The following CSN2 variants were observed in gnomAD, a reference collection of about 807,000 sequenced individuals.
CSN2 encodes the protein beta-casein.
A neutral mutation model predicts 27.3 loss-of-function variants in CSN2; 27 were observed. The ratio of observed to expected loss-of-function variants is 0.99; its 90% CI spans 0.73 to 1.36. The LOEUF is 1.36. Ranked by LOEUF, CSN2 falls within the 40% of genes most tolerant of loss-of-function variation. The probability of loss-of-function intolerance (pLI) is 0.00; values close to 1 mark genes in which losing one functional copy is unlikely to be tolerated. For synonymous variants in CSN2, 131 were observed against 94.8 expected (o/e 1.38, Z -2.22); for missense variants, 333 against 264.5 (o/e 1.26, Z -1.80).
In CSN2 at chr4:69,955,470, A is replaced by C. The variant is rs1446730343; in HGVS notation, c.*159T>G. 6.6e-6 allele frequency: 1 copy of C among 152,160 alleles called. No individual in the cohort carries two copies. The highest frequency in any genetic ancestry group is 2.4e-5 in the African/African-American group (1 of 41,114). The allele number at this position is 152,160 out of a possible 1,614,324, so 9.4% of individuals were successfully genotyped here. A position where few individuals can be genotyped will look rare whatever the true frequency, so the allele number is the denominator to read the frequency against. On this transcript the variant is annotated 3_prime_UTR_variant, in exon 8 of 8. Transcript: ENST00000353151. ...AATTTCAAATTAAATGAATGACATA[A>C]TATATAAAATAAATAAAGGGACAAA...
chr4:69,962,343 G>A (rs1374727285), intron 1 of CSN2, among the ~76,000 whole-genome samples: 1 of 152,052 alleles, frequency 6.6e-6, no homozygotes, highest in Non-Finnish European at 1.5e-5. Context: ...ATACTACAAG[G>A]CTACAGTAAC....
chr4:69,961,158 T>G (rs1723566967), intron 1 of CSN2, among the ~76,000 whole-genome samples, 151 bp from the exon 2 acceptor site: 1 of 152,022 alleles, frequency 6.6e-6, no homozygotes. Flanking sequence ...GAATAAATAC[T>G]AAATAGAAGT....
chr4:69,960,932 C>T lies in CSN2; in HGVS notation c.51+13G>A. On this transcript the variant is annotated intron_variant, in intron 2 of 7. Transcript: ENST00000353151. Reference sequence around the variant, plus strand: ...TTTATTGATTGTTTAGGAATTTTTTCTTGTGCACATACCTCCCTTGCAAGA... The same window carrying T: ...TTTATTGATTGTTTAGGAATTTTTTTTTGTGCACATACCTCCCTTGCAAGA... 1 of 1,611,484 alleles carries T rather than the reference C, an allele frequency of 6.2e-7. No homozygotes were observed. Among genetic ancestry groups the T allele is most frequent in the Non-Finnish European group, 8.5e-7 (1 of 1,178,176 alleles).
At chr4:69,959,949 T>C (rs1176395370) in intron 3 of CSN2, 104 bp downstream of exon 3, 2 of 954,684 alleles carry the variant, frequency 2.1e-6, no homozygotes, top group Admixed American at 2.0e-5. Context: ...CTAGAACTTA[T>C]ATGTCATTAA....
chr4:69,959,913 T>G (rs568845045), intron 3 of CSN2, 140 bp downstream of exon 3: 11 of 657,258 alleles, frequency 1.7e-5, no homozygotes, highest in African/African-American at 3.7e-5. Flanking sequence ...CTTATTGTCC[T>G]TAAACACACA....
chr4:69,957,838 G>C, intron 5 of CSN2, 34 bp from the exon 6 acceptor site: 1 of 1,560,930 alleles, frequency 6.4e-7, no homozygotes, highest in East Asian at 2.2e-5. Flanking sequence ...TTGAGTCCTT[G>C]ATTAAGCTAT....
chr4:69,961,101 A>AG (rs566368562), intron 1 of CSN2, 94 bp from the exon 2 acceptor site: 16 of 734,764 alleles, frequency 2.2e-5, no homozygotes, highest in South Asian at 1.9e-4. Flanking sequence ...ACAAAAAAAA[A>AG]AGAGAGATAA....
intron 1 of CSN2, among the ~76,000 whole-genome samples, chr4:69,962,165 A>T (rs918517828): frequency 6.6e-6 from 1 of 152,208 alleles, no homozygotes; most frequent in African/African-American, 2.4e-5. Context: ...TGCCCAAGGT[A>T]ATTTATAGAT....
chr4:69,965,613 A>G (rs1723782934), intron 1 of CSN2, among the ~76,000 whole-genome samples, 68 bp downstream of exon 1: 2 of 151,716 alleles, frequency 1.3e-5, no homozygotes, highest in Non-Finnish European at 2.9e-5. Context: ...CGTTCCTTCT[A>G]TAGCTCAAGC....
rs1169434049 is a variant in CSN2 at position 69,957,785 on chromosome 4, A to T, written c.164T>A (p.Ile55Asn). The T allele has an allele frequency of 5.6e-6, 9 of 1,612,918 alleles. No homozygotes were observed. The highest frequency in any genetic ancestry group is 3.3e-5 in the Admixed American group (2 of 59,888). ...QQGEDEHQDK[I>N]YPSFQPQPLI... Reference sequence around the variant, plus strand: ...AGGCTGTGGCTGGAAAGAGGGGTAGATTTTATCCTGGTGTTCATCCTGGAA... The same window carrying T: ...AGGCTGTGGCTGGAAAGAGGGGTAGTTTTTATCCTGGTGTTCATCCTGGAA... The change falls in exon 6 of 8, where the codon ATC becomes AAC. Residue 55 changes from isoleucine to asparagine, a missense_variant. Coordinates refer to ENST00000353151, the MANE Select transcript of CSN2 (RefSeq NM_001891.4).
intron 5 of CSN2, 39 bp downstream of exon 5, chr4:69,958,870 A>T: frequency 7.6e-7 from 1 of 1,309,506 alleles, no homozygotes; most frequent in Non-Finnish European, 1.1e-6. Context: ...ATTATACTTT[A>T]TAATAATTTT....
intron 6 of CSN2, 107 bp downstream of exon 6, chr4:69,957,167 C>T: frequency 8.6e-7 from 1 of 1,157,244 alleles, no homozygotes. Flanking sequence ...AAAAGAATCA[C>T]TTATCTAAAC....
chr4:69,958,757 A>C lies in CSN2; in HGVS notation c.144+152T>G. 3 of 519,598 alleles carry C rather than the reference A, an allele frequency of 5.8e-6. No homozygotes were observed. In the South Asian group the frequency reaches 1.2e-4, roughly 20 times the overall value. The allele number at this position is 519,598 out of a possible 1,614,324, so 32.2% of individuals were successfully genotyped here. On this transcript the variant is annotated intron_variant, in intron 5 of 7. Coordinates refer to ENST00000353151, the MANE Select transcript of CSN2 (RefSeq NM_001891.4). ...CATGCATATCCTAGAAAATATATTG[A>C]CTTTATCAATGTTTAATTTTTAAAG...
At position 69,957,584 on chromosome 4, in the gene CSN2, G is replaced by C. The variant is rs140189537; in HGVS notation, c.365C>G (p.Thr122Arg). ...GRVMPVLKSP[T>R]IPFFDPQIPK... ...GATTTGAGGGTCAAAAAAGGGTATCGTTGGAGATTTAAGGACAGGCATCAC... is the reference window on the plus strand; with the variant it reads ...GATTTGAGGGTCAAAAAAGGGTATCCTTGGAGATTTAAGGACAGGCATCAC... Residue 122 changes from threonine to arginine, a missense_variant, in exon 6 of 8, where the codon ACG becomes AGG. Physicochemically the swap from Thr to Arg is moderately conservative, Grantham distance 71. Coordinates refer to ENST00000353151, the MANE Select transcript of CSN2 (RefSeq NM_001891.4). 5 of 1,613,840 alleles carry C rather than the reference G, an allele frequency of 3.1e-6. No homozygotes were observed. In the African/African-American group the frequency reaches 4.0e-5, roughly 13 times the overall value.
At chr4:69,956,532 A>G (rs1723402192) in intron 6 of CSN2, among the ~76,000 whole-genome samples, 177 bp from the exon 7 acceptor site, 1 of 152,032 alleles carries the variant, frequency 6.6e-6, no homozygotes, top group Non-Finnish European at 1.5e-5. Flanking sequence ...ATAAATAAAT[A>G]ACCTCTTAGT....
At chr4:69,965,263 G>C (rs937011713) in intron 1 of CSN2, among the ~76,000 whole-genome samples, 5 of 150,938 alleles carry the variant, frequency 3.3e-5, no homozygotes, top group African/African-American at 1.2e-4. Context: ...CTACCTGCTG[G>C]ACAAAGCTTT....
chr4:69,956,503 A>AAAATAAAT (rs567888173), intron 6 of CSN2, 148 bp from the exon 7 acceptor site: 9 of 517,922 alleles, frequency 1.7e-5, no homozygotes, highest in African/African-American at 1.4e-4. Flanking sequence ...AGGCTTGTGT[A>AAAATAAAT]AAATAAATAA....
intron 1 of CSN2, among the ~76,000 whole-genome samples, chr4:69,962,059 A>T (rs1306021842): frequency 6.6e-6 from 1 of 152,156 alleles, no homozygotes; most frequent in Non-Finnish European, 1.5e-5. Flanking sequence ...GAGAACTACA[A>T]ACCACTGCTC....
At chr4:69,964,606 G>T (rs1223954820) in intron 1 of CSN2, among the ~76,000 whole-genome samples, 1 of 151,032 alleles carries the variant, frequency 6.6e-6, no homozygotes, top group African/African-American at 2.4e-5. Flanking sequence ...ATTTTACTTT[G>T]CCTAAGACCA....
Sources: allele counts gnomAD v4.1 joint callset (sites outside exome capture counted in the v4.1 genomes callset), GRCh38; gene constraint gnomAD v4.1.1; transcripts MANE v1.5; gene names NCBI Gene and HGNC (gene_info 2026-07-23, HGNC 2026-07-21).